RIMBP2: variants seen among roughly 807,000 people sequenced by gnomAD.
RIMBP2 encodes the protein RIMS binding protein 2, also known as RIMS-binding protein 2.
A neutral mutation model predicts 118.6 loss-of-function variants in RIMBP2; 48 were observed. The observed-to-expected ratio is 0.40, with a 90% CI of 0.32 to 0.51. The LOEUF is 0.51. Among genes scored for constraint, RIMBP2 ranks in the 20% least tolerant of loss-of-function variants. The probability of loss-of-function intolerance (pLI) is 0.41; values close to 1 mark genes in which losing one functional copy is unlikely to be tolerated. For missense variants in RIMBP2, 1,551 were observed against 1,768.3 expected (o/e 0.88, Z 2.20); for synonymous variants, 762 against 742.9 (o/e 1.03, Z -0.42).
intron 6 of RIMBP2, among the ~76,000 whole-genome samples, chr12:130,461,790 G>T (rs1057340685): frequency 1.3e-5 from 2 of 152,242 alleles, no homozygotes; most frequent in East Asian, 3.9e-4. Context: ...TGCCATGATT[G>T]TAAGTTTCCC....
intron 1 of RIMBP2, among the ~76,000 whole-genome samples, chr12:130,637,870 T>C (rs557935379): frequency 6.6e-6 from 1 of 152,346 alleles, no homozygotes; most frequent in South Asian, 2.1e-4. Flanking sequence ...CTTTACTGAC[T>C]TTGGTTATTA....
Position 130,710,706 on chromosome 12 carries a change from G to A in RIMBP2, c.-352+5516C>T, listed in dbSNP as rs1311795282. Among the ~76,000 whole-genome samples the A allele has an allele frequency of 1.3e-5, 2 of 152,172 alleles. No homozygotes were observed. The highest frequency in any genetic ancestry group is 2.9e-5 in the Non-Finnish European group (2 of 68,028). ...TGTCCACACAGCTAGGCCAAGGAGA[G>A]AGCCCCCCTCATCTCCCACACTGGG... On this transcript the variant is annotated intron_variant, in intron 1 of 22. Coordinates refer to ENST00000690449, the MANE Select transcript of RIMBP2 (RefSeq NM_001393629.1). The surrounding 1 kb of genome is among the most constrained non-coding windows in gnomAD (Gnocchi z 4.3).
At chr12:130,537,325 T>A (rs1177687839) in intron 2 of RIMBP2, among the ~76,000 whole-genome samples, 1 of 152,222 alleles carries the variant, frequency 6.6e-6, no homozygotes, top group East Asian at 1.9e-4. Context: ...CTGACGCTCA[T>A]AAGACTGAAA....
intron 5 of RIMBP2, among the ~76,000 whole-genome samples, chr12:130,471,513 C>G (rs1337483926): frequency 2.6e-5 from 4 of 152,228 alleles, no homozygotes; most frequent in Non-Finnish European, 4.4e-5. Flanking sequence ...TTGAGTCTCA[C>G]TAACTTTTCT....
At chr12:130,478,721 A>G (rs871568) in intron 5 of RIMBP2, among the ~76,000 whole-genome samples, 191 bp downstream of exon 5, 111,848 of 152,130 alleles carry the variant, frequency 0.74, 41,792 homozygotes, top group Admixed American at 0.83. Flanking sequence ...GTTATAAAAC[A>G]TGAACACAGG....
rs558108624 is a variant in RIMBP2 at position 130,690,969 on chromosome 12, G to A, written c.-352+25253C>T. Among the ~76,000 whole-genome samples, 155 of 152,252 alleles carry A rather than the reference G, an allele frequency of 1.0e-3. 2 individuals carry two copies. The highest frequency in any genetic ancestry group is 3.6e-3 in the African/African-American group (151 of 41,546). On this transcript the variant is annotated intron_variant, in intron 1 of 22. Coordinates refer to ENST00000690449, the MANE Select transcript of RIMBP2 (RefSeq NM_001393629.1). ...CTCTCCCTCCCCAGTGAGATGCCCT[G>A]TAATTCACAAGGGCCCACAGAAAAG...
At chr12:130,708,773 G>T (rs1312834126) in intron 1 of RIMBP2, among the ~76,000 whole-genome samples, 2 of 152,188 alleles carry the variant, frequency 1.3e-5, no homozygotes, top group East Asian at 3.9e-4. Flanking sequence ...AGAGGCTCGC[G>T]TGGGCCCTGG....
intron 1 of RIMBP2, among the ~76,000 whole-genome samples, chr12:130,701,219 G>C (rs1350810573): frequency 6.6e-6 from 1 of 152,220 alleles, no homozygotes; most frequent in Non-Finnish European, 1.5e-5. Context: ...GAGCCCCCCA[G>C]CAGGTGGGAG....
chr12:130,658,568 G>T (rs2063523312), intron 1 of RIMBP2: 1 of 152,234 alleles, frequency 6.6e-6, no homozygotes, highest in South Asian at 2.1e-4. Flanking sequence ...CAAAAAGCTT[G>T]ATCTTGGCCA....
At chr12:130,460,615 C>G (rs2079891370) in intron 6 of RIMBP2, among the ~76,000 whole-genome samples, 1 of 152,138 alleles carries the variant, frequency 6.6e-6, no homozygotes, top group Admixed American at 6.5e-5. Flanking sequence ...ATTATTACTA[C>G]CTGCAAGCGT....
intron 2 of RIMBP2, among the ~76,000 whole-genome samples, chr12:130,565,029 T>C (rs2057113598): frequency 6.6e-6 from 1 of 152,206 alleles, no homozygotes; most frequent in South Asian, 2.1e-4. Context: ...GTTTTTGGTA[T>C]CCAATTATAC....
At position 130,407,798 on chromosome 12, in the gene RIMBP2, C is replaced by T. The variant is rs768065342; in HGVS notation, c.3621G>A (p.Ser1207=). 4 of 1,613,770 alleles carry T rather than the reference C, an allele frequency of 2.5e-6. No homozygotes were observed. The highest frequency in any genetic ancestry group is 1.1e-5 in the South Asian group (1 of 91,062). The change falls in exon 20 of 23, where the codon TCG becomes TCA. Residue 1207 remains serine (S), a synonymous_variant. Coordinates refer to ENST00000690449, the MANE Select transcript of RIMBP2 (RefSeq NM_001393629.1). ...GGGCCACCATTCTCCGCGTCGATAC[C>T]GAATGACGCCTGCCACTTCTCCTGC... is the stretch of plus-strand genomic sequence containing the variant. ...ERSRRSGRRH[S]VSTRRMVALY... is the part of the protein sequence containing the mutation.
intron 1 of RIMBP2, among the ~76,000 whole-genome samples, chr12:130,696,879 C>T (rs1314324791): frequency 6.6e-6 from 1 of 152,184 alleles, no homozygotes. Context: ...GTGGCAACAG[C>T]TTCTGCAAAA....
intron 2 of RIMBP2, among the ~76,000 whole-genome samples, chr12:130,519,193 G>A (rs1197041777): frequency 6.6e-6 from 1 of 152,218 alleles, no homozygotes. Flanking sequence ...TCAGAGTCTA[G>A]GCTCCATTCA....
At chr12:130,528,459 G>A (rs1263164355) in intron 2 of RIMBP2, among the ~76,000 whole-genome samples, 4 of 152,198 alleles carry the variant, frequency 2.6e-5, no homozygotes, top group Non-Finnish European at 5.9e-5. Flanking sequence ...GGAGGTTGAG[G>A]GTAGGGGAAG....
chr12:130,713,041 G>C (rs1391445780), intron 1 of RIMBP2, among the ~76,000 whole-genome samples: 1 of 151,572 alleles, frequency 6.6e-6, no homozygotes, highest in African/African-American at 2.4e-5. Context: ...GACTGAGAGA[G>C]GGAGAGGAGG....
At chr12:130,490,770 C>T (rs571729919) in intron 4 of RIMBP2, among the ~76,000 whole-genome samples, 2 of 152,292 alleles carry the variant, frequency 1.3e-5, no homozygotes, top group African/African-American at 2.4e-5. Flanking sequence ...GCAACAGAAT[C>T]GGCCAAGTGG....
rs1428796068 is a variant in RIMBP2, at chr12:130,623,711, G to A, written c.-217+4611C>T. Among the ~76,000 whole-genome samples the A allele has an allele frequency of 6.6e-6, 1 of 152,176 alleles. No homozygotes were observed. The highest frequency in any genetic ancestry group is 1.5e-5 in the Non-Finnish European group (1 of 68,030). The stretch of plus-strand genomic sequence containing the variant: ...CTGTGCCTGGGGGCTCCATCTAGCT[G>A]AGACCCAAGCCTGACCTACATGCAG... On this transcript the variant is annotated intron_variant, in intron 2 of 22. Transcript: ENST00000690449. This position sits in a 1 kb window ranked among gnomAD's most constrained non-coding sequence, Gnocchi z 4.1.
In RIMBP2 at chr12:130,431,198, C is replaced by T. The variant is rs2077127256; in HGVS notation, c.2254-2861G>A. Among the ~76,000 whole-genome samples the T allele has an allele frequency of 6.6e-6, 1 of 152,116 alleles. No homozygotes were observed. The highest frequency in any genetic ancestry group is 2.4e-5 in the African/African-American group (1 of 41,412). On this transcript the variant is annotated intron_variant, in intron 14 of 22. Coordinates refer to ENST00000690449, the MANE Select transcript of RIMBP2 (RefSeq NM_001393629.1). The surrounding 1 kb of genome is among the most constrained non-coding windows in gnomAD (Gnocchi z 4.0). ...TCATTCGACAAACATTCATTGAGCA[C>T]CTACTATGTGTGAAATGCTAGAGAT...
Sources: allele counts gnomAD v4.1 joint callset (sites outside exome capture counted in the v4.1 genomes callset), GRCh38; gene constraint gnomAD v4.1.1; non-coding constraint Gnocchi (gnomAD v3.1); transcripts MANE v1.5; gene names NCBI Gene and HGNC (gene_info 2026-07-23, HGNC 2026-07-21).